ITFG1: variants seen among roughly 807,000 people sequenced by gnomAD.
ITFG1 encodes integrin alpha FG-GAP repeat containing 1, also known as T-cell immunomodulatory protein.
A neutral mutation model predicts 81.8 loss-of-function variants in ITFG1; 34 were observed. The observed-to-expected ratio is 0.42, with a 90% CI of 0.32 to 0.55. The LOEUF is 0.55. Ranked by LOEUF, ITFG1 falls within the 20% of genes least tolerant of loss-of-function variation. The pLI, the probability that ITFG1 is intolerant of heterozygous loss-of-function variation, is 0.17. For missense variants in ITFG1, 672 were observed against 755.4 expected (o/e 0.89, Z 1.29); for synonymous variants, 285 against 270.6 (o/e 1.05, Z -0.52).
rs555676872 is a variant in ITFG1, at chr16:47,221,960, T to G, written c.1375-3014A>C. ...CTTTATCATTTTTTATTGCATCTAT[T>G]TGATTCTTCTCTCTTTTTTTCTTTA... On this transcript the variant is annotated intron_variant, in intron 13 of 17. Coordinates refer to ENST00000320640, the MANE Select transcript of ITFG1 (RefSeq NM_030790.5). Among the ~76,000 whole-genome samples the G allele has an allele frequency of 1.8e-4, 28 of 152,294 alleles. 1 individual carries two copies. In the East Asian group the frequency reaches 5.4e-3, roughly 29 times the overall value.
chr16:47,389,235 A>G (rs149242232), intron 6 of ITFG1, among the ~76,000 whole-genome samples: 113 of 152,338 alleles, frequency 7.4e-4, no homozygotes, highest in African/African-American at 2.4e-3. Context: ...ATTCAAATCC[A>G]TAGGAAAAAA....
At chr16:47,397,457 G>A (rs1968607642) in intron 6 of ITFG1, among the ~76,000 whole-genome samples, 1 of 152,230 alleles carries the variant, frequency 6.6e-6, no homozygotes, top group Non-Finnish European at 1.5e-5. Context: ...TTGAGATAAA[G>A]CTTGAAAGAA....
chr16:47,445,196 G>A (rs1021729240), intron 5 of ITFG1, among the ~76,000 whole-genome samples: 8 of 148,042 alleles, frequency 5.4e-5, no homozygotes, highest in East Asian at 2.0e-4. Flanking sequence ...GGCCGGGCGC[G>A]GTGGCTCTTC....
intron 6 of ITFG1, among the ~76,000 whole-genome samples, chr16:47,381,864 C>T (rs1000927227): frequency 1.3e-5 from 2 of 152,032 alleles, no homozygotes; most frequent in Non-Finnish European, 2.9e-5. Context: ...AATTGAAATG[C>T]TATAAGGCAT....
At chr16:47,428,991 T>G (rs1269029804) in intron 5 of ITFG1, 93 bp from the exon 6 acceptor site, 3 of 724,852 alleles carry the variant, frequency 4.1e-6, no homozygotes, top group Non-Finnish European at 6.8e-6. Context: ...CACTTAAATT[T>G]ATTTATTTTC....
At chr16:47,371,711 A>G (rs1410715655) in intron 7 of ITFG1, among the ~76,000 whole-genome samples, 2 of 152,144 alleles carry the variant, frequency 1.3e-5, no homozygotes, top group Admixed American at 6.5e-5. Context: ...ACATCTGGCA[A>G]TGTCTGCAGA....
chr16:47,379,868 G>A (rs1968374054), intron 6 of ITFG1, among the ~76,000 whole-genome samples: 1 of 151,904 alleles, frequency 6.6e-6, no homozygotes, highest in African/African-American at 2.4e-5. Context: ...ACTAGTGGGG[G>A]TGTGATATTT....
At chr16:47,407,500 C>G (rs1483284375) in intron 6 of ITFG1, among the ~76,000 whole-genome samples, 1 of 152,102 alleles carries the variant, frequency 6.6e-6, no homozygotes, top group Non-Finnish European at 1.5e-5. Flanking sequence ...ACAGACATGC[C>G]TGGCTAATTT....
intron 8 of ITFG1, among the ~76,000 whole-genome samples, chr16:47,357,955 C>A (rs1968062414): frequency 6.6e-6 from 1 of 152,104 alleles, no homozygotes; most frequent in Non-Finnish European, 1.5e-5. Context: ...CCATGACTCA[C>A]CAAGATAGAT....
chr16:47,441,890 G>C (rs1251966268), intron 5 of ITFG1, among the ~76,000 whole-genome samples: 2 of 152,162 alleles, frequency 1.3e-5, no homozygotes, highest in Non-Finnish European at 2.9e-5. Context: ...AAGTCAAATT[G>C]TCCCTGTTTG....
intron 5 of ITFG1, chr16:47,448,504 C>T (rs1001096364): frequency 3.3e-5 from 5 of 151,844 alleles, no homozygotes; most frequent in Non-Finnish European, 5.9e-5. Flanking sequence ...AAACAGTGTA[C>T]GGCAAAGTAT....
At chr16:47,214,204 T>C (rs575665369) in intron 14 of ITFG1, among the ~76,000 whole-genome samples, 15 of 152,302 alleles carry the variant, frequency 9.8e-5, no homozygotes, top group Non-Finnish European at 1.9e-4. Flanking sequence ...GTAGAAGACA[T>C]ATTTTTTCCC....
intron 8 of ITFG1, among the ~76,000 whole-genome samples, chr16:47,343,019 G>A (rs1415722568): frequency 1.3e-5 from 2 of 152,086 alleles, no homozygotes; most frequent in African/African-American, 4.8e-5. Flanking sequence ...TGGAATTGCA[G>A]GAGCCATGAA....
intron 6 of ITFG1, among the ~76,000 whole-genome samples, chr16:47,411,819 A>G (rs1327225925): frequency 1.3e-5 from 2 of 152,280 alleles, no homozygotes; most frequent in East Asian, 3.9e-4. Context: ...CTCCCCAATC[A>G]CAGAGCGCTC....
intron 14 of ITFG1, among the ~76,000 whole-genome samples, chr16:47,183,245 CA>C (rs1454001542): frequency 6.6e-6 from 1 of 152,182 alleles, no homozygotes; most frequent in South Asian, 2.1e-4. Flanking sequence ...GTAAACAAAG[CA>C]GCCTGGAAGC....
chr16:47,249,468 T>C (rs1415399849), intron 12 of ITFG1, among the ~76,000 whole-genome samples: 1 of 152,166 alleles, frequency 6.6e-6, no homozygotes, highest in Non-Finnish European at 1.5e-5. Flanking sequence ...ATTATAACAT[T>C]GTGTAATACC....
intron 12 of ITFG1, among the ~76,000 whole-genome samples, chr16:47,243,863 T>G (rs1318048942): frequency 6.6e-6 from 1 of 152,162 alleles, no homozygotes; most frequent in Admixed American, 6.5e-5. Flanking sequence ...AAACTCCGTT[T>G]GTACTAAAAA....
At chr16:47,404,990 T>C (rs1968710156) in intron 6 of ITFG1, among the ~76,000 whole-genome samples, 1 of 152,168 alleles carries the variant, frequency 6.6e-6, no homozygotes. Context: ...TTTCTTGATT[T>C]ATAGGAGTTC....
chr16:47,419,764 G>A (rs1013081187), intron 6 of ITFG1, among the ~76,000 whole-genome samples: 6 of 151,254 alleles, frequency 4.0e-5, no homozygotes, highest in Admixed American at 2.0e-4. Context: ...AGTCATGCCC[G>A]GCTAATTTTT....
Sources: allele counts gnomAD v4.1 joint callset (sites outside exome capture counted in the v4.1 genomes callset), GRCh38; gene constraint gnomAD v4.1.1; transcripts MANE v1.5; gene names NCBI Gene and HGNC (gene_info 2026-07-23, HGNC 2026-07-21).